SORCS1: variants seen among roughly 807,000 people sequenced by gnomAD.
SORCS1 encodes the protein sortilin related VPS10 domain containing receptor 1.
Under a neutral mutation model 146.1 loss-of-function variants are expected in SORCS1, and 60 were observed. That is an observed-to-expected ratio of 0.41 (90% CI 0.33 to 0.51). The LOEUF (loss-of-function observed/expected upper bound fraction) is 0.51, where lower values mean the gene tolerates loss of function less well. Ranked by LOEUF, SORCS1 falls within the 20% of genes least tolerant of loss-of-function variation. SORCS1 has a pLI of 0.21. For missense variants in SORCS1, 1,352 were observed against 1,487.6 expected, an observed-to-expected ratio of 0.91 and a Z score of 1.50; for synonymous variants, 637 against 584.0, an observed-to-expected ratio of 1.09 and a Z score of -1.31.
At chr10:106,913,678 A>T (rs971908774) in intron 2 of SORCS1, among the ~76,000 whole-genome samples, 1 of 152,218 alleles carries the variant, frequency 6.6e-6, no homozygotes, top group African/African-American at 2.4e-5. Context: ...TAGAACTTTA[A>T]CGCATGCAAA....
intron 1 of SORCS1, among the ~76,000 whole-genome samples, chr10:107,033,367 T>C (rs1458601938): frequency 6.6e-6 from 1 of 152,126 alleles, no homozygotes; most frequent in Non-Finnish European, 1.5e-5. Flanking sequence ...AGCCAAATCA[T>C]ATCAGCATGT....
intron 7 of SORCS1, 117 bp downstream of exon 7, chr10:106,709,106 T>C (rs1435927168): frequency 1.4e-6 from 1 of 729,488 alleles, no homozygotes; most frequent in Non-Finnish European, 2.4e-6. Flanking sequence ...CCCTACCTCC[T>C]TCCCTCCCTC....
At chr10:107,160,996 T>C (rs1376079209) in intron 1 of SORCS1, among the ~76,000 whole-genome samples, 1 of 152,160 alleles carries the variant, frequency 6.6e-6, no homozygotes, top group Non-Finnish European at 1.5e-5. Flanking sequence ...CCAGCACCTT[T>C]CATGCCAGAA....
intron 1 of SORCS1, among the ~76,000 whole-genome samples, chr10:107,126,219 C>T (rs1364652574): frequency 3.3e-5 from 5 of 151,972 alleles, no homozygotes; most frequent in African/African-American, 2.4e-5. Flanking sequence ...TCACTTCATC[C>T]TATCTAAAAC....
At chr10:107,154,891 C>T (rs2134862880) in intron 1 of SORCS1, among the ~76,000 whole-genome samples, 1 of 152,184 alleles carries the variant, frequency 6.6e-6, no homozygotes, top group South Asian at 2.1e-4. Context: ...CATCAAGCCA[C>T]CATATAAGAA....
At chr10:106,794,798 G>A (rs537731473) in intron 3 of SORCS1, among the ~76,000 whole-genome samples, 2 of 151,988 alleles carry the variant, frequency 1.3e-5, no homozygotes, top group East Asian at 1.9e-4. Context: ...CCACCACACC[G>A]GGCCCTCATT....
At chr10:107,099,031 C>G (rs990326258) in intron 1 of SORCS1, among the ~76,000 whole-genome samples, 1 of 152,064 alleles carries the variant, frequency 6.6e-6, no homozygotes, top group Non-Finnish European at 1.5e-5. Flanking sequence ...ATTATGGTGT[C>G]CATTAATTAA....
chr10:106,992,242 G>A (rs1178219799), intron 1 of SORCS1, among the ~76,000 whole-genome samples: 1 of 152,044 alleles, frequency 6.6e-6, no homozygotes, highest in Non-Finnish European at 1.5e-5. Flanking sequence ...CCGTATATTC[G>A]TCCCAATATT....
At chr10:106,816,749 GA>G (rs1209546878) in intron 3 of SORCS1, among the ~76,000 whole-genome samples, 1 of 151,932 alleles carries the variant, frequency 6.6e-6, no homozygotes. Context: ...CTTCTTGTTT[GA>G]AAAAAATAAT....
At chr10:106,965,236 T>C (rs541161483) in intron 1 of SORCS1, among the ~76,000 whole-genome samples, 4 of 152,180 alleles carry the variant, frequency 2.6e-5, no homozygotes, top group African/African-American at 4.8e-5. Context: ...GGTGTATACA[T>C]GGGTTTTTGT....
intron 2 of SORCS1, among the ~76,000 whole-genome samples, chr10:106,843,956 A>C (rs1313250538): frequency 1.3e-5 from 2 of 152,120 alleles, no homozygotes; most frequent in African/African-American, 2.4e-5. Flanking sequence ...GCATATTTAA[A>C]CTTTTAGGAG....
intron 17 of SORCS1, among the ~76,000 whole-genome samples, chr10:106,653,729 G>A (rs1200558174): frequency 6.6e-6 from 1 of 152,166 alleles, no homozygotes. Flanking sequence ...TCACTACAAT[G>A]TCAATTATTA....
At chr10:107,103,393 C>G (rs890412824) in intron 1 of SORCS1, among the ~76,000 whole-genome samples, 1 of 152,194 alleles carries the variant, frequency 6.6e-6, no homozygotes, top group Non-Finnish European at 1.5e-5. Context: ...TCTAGACAAA[C>G]AGAACACTGG....
Position 107,082,211 on chromosome 10 carries a change from AG to A in SORCS1, c.558+81757del, listed in dbSNP as rs528690937. 2.9e-3 allele frequency among the ~76,000 whole-genome samples: 447 copies of A among 152,350 alleles called. 2 individuals carry two copies. The highest frequency in any genetic ancestry group is 0.01 in the African/African-American group (431 of 41,588). On this transcript the variant is annotated intron_variant, in intron 1 of 25. Coordinates refer to ENST00000263054, the MANE Select transcript of SORCS1 (RefSeq NM_052918.5). ...GGCATGGTTTCCCACCTGTCAGAAC[AG>A]GGCCTTGACTGCCCTCAGAGGCTCT...
chr10:106,762,432 G>A (rs180943876), intron 4 of SORCS1, among the ~76,000 whole-genome samples: 188 of 111,148 alleles, frequency 1.7e-3, no homozygotes, highest in African/African-American at 5.9e-3. Flanking sequence ...TTGCTCTGTC[G>A]CCCAGGCTGG....
At chr10:106,937,114 TG>T (rs1456289850) in intron 2 of SORCS1, among the ~76,000 whole-genome samples, 1 of 151,958 alleles carries the variant, frequency 6.6e-6, no homozygotes, top group East Asian at 1.9e-4. Flanking sequence ...AACTGAATCA[TG>T]GGGGTAGGTT....
intron 5 of SORCS1, among the ~76,000 whole-genome samples, chr10:106,751,262 G>A (rs1371708549): frequency 6.6e-6 from 1 of 151,998 alleles, no homozygotes; most frequent in Non-Finnish European, 1.5e-5. Context: ...AGGGATCTCT[G>A]GGAAGATTCT....
chr10:106,893,687 CT>C (rs1228814575), intron 2 of SORCS1, among the ~76,000 whole-genome samples: 1 of 152,082 alleles, frequency 6.6e-6, no homozygotes, highest in Non-Finnish European at 1.5e-5. Flanking sequence ...AAGGTAATTT[CT>C]TTTTTCTTTT....
intron 1 of SORCS1, among the ~76,000 whole-genome samples, chr10:107,005,313 GA>G (rs1278349400): frequency 6.8e-6 from 1 of 148,004 alleles, no homozygotes; most frequent in Non-Finnish European, 1.5e-5. Flanking sequence ...GAGACAGAAC[GA>G]GACTTTGTCT....
Sources: gnomAD v4.1 joint callset for allele counts (sites outside exome capture counted in the v4.1 genomes callset) on GRCh38, gnomAD v4.1.1 for gene constraint, MANE v1.5 for transcripts, NCBI Gene and HGNC (gene_info 2026-07-23, HGNC 2026-07-21) for gene names.